Variants in CPNE4 observed in about 807,000 individuals in gnomAD.
CPNE4 encodes the protein copine-4.
Under a neutral mutation model 67.9 loss-of-function variants are expected in CPNE4, and 25 were observed. The observed-to-expected ratio is 0.37, with a 90% CI of 0.27 to 0.51. The LOEUF (loss-of-function observed/expected upper bound fraction) is 0.51. Ranked by LOEUF, CPNE4 falls within the 20% of genes least tolerant of loss-of-function variation. The pLI is 0.93. For missense variants in CPNE4, 464 were observed against 690.8 expected, an observed-to-expected ratio of 0.67 and a Z score of 3.68; for synonymous variants, 242 against 244.9, an observed-to-expected ratio of 0.99 and a Z score of 0.11.
chr3:131,559,565 TA>T, intron 11 of CPNE4, among the ~76,000 whole-genome samples: 1 of 152,132 alleles, frequency 6.6e-6, no homozygotes, highest in South Asian at 2.1e-4. Flanking sequence ...GCTCAGATTT[TA>T]AAAAATACTT....
In CPNE4 at chr3:131,717,899, TTTC is replaced by T. The variant is rs1207973130; in HGVS notation, c.360+5544_360+5546del. Among the ~76,000 whole-genome samples, 168 of 103,406 alleles carry T rather than the reference TTTC, an allele frequency of 1.6e-3. 9 individuals carry two copies. Among genetic ancestry groups the T allele is most frequent in the South Asian group, 0.014 (46 of 3,302 alleles). The allele number at this position is 103,406 out of a possible 152,430, so 67.8% of individuals were successfully genotyped here. On this transcript the variant is annotated intron_variant, in intron 3 of 15. Transcript: ENST00000429747. The stretch of plus-strand genomic sequence containing the variant: ...TTTTCTTTCTTTCTTTCTTTCTTTC[TTTC>T]TTTCTTTCTTTCTTTCTTTCTTTCT...
intron 7 of CPNE4, among the ~76,000 whole-genome samples, chr3:131,610,399 G>C (rs1939763909): frequency 6.6e-6 from 1 of 152,194 alleles, no homozygotes; most frequent in Non-Finnish European, 1.5e-5. Context: ...AGGCACACCA[G>C]AGTTCCTGAT....
intron 2 of CPNE4, among the ~76,000 whole-genome samples, chr3:131,876,445 A>C (rs2087456950): frequency 6.6e-6 from 1 of 151,714 alleles, no homozygotes; most frequent in South Asian, 2.1e-4. Flanking sequence ...GATCGAGACC[A>C]TCCTGGCTAA....
intron 1 of CPNE4, among the ~76,000 whole-genome samples, chr3:131,996,740 T>C (rs1161170744): frequency 6.6e-6 from 1 of 152,016 alleles, no homozygotes; most frequent in East Asian, 1.9e-4. Context: ...TTCATTGTCA[T>C]AGTTCTGTAC....
At chr3:131,685,643 G>C (rs961611349) in intron 6 of CPNE4, among the ~76,000 whole-genome samples, 3 of 152,064 alleles carry the variant, frequency 2.0e-5, no homozygotes, top group African/African-American at 7.2e-5. Flanking sequence ...TTAGCTCGGC[G>C]TGGTGGTGGG....
chr3:131,773,168 G>A (rs1487354686), intron 2 of CPNE4, among the ~76,000 whole-genome samples: 1 of 151,988 alleles, frequency 6.6e-6, no homozygotes, highest in Non-Finnish European at 1.5e-5. Context: ...GTATAATAAA[G>A]AAAAACTAGC....
chr3:131,599,258 A>C (rs1490917134), intron 7 of CPNE4, among the ~76,000 whole-genome samples: 2 of 152,192 alleles, frequency 1.3e-5, no homozygotes, highest in African/African-American at 4.8e-5. Flanking sequence ...TATATATCTC[A>C]GCTTGTTTGG....
chr3:132,021,840 T>G (rs2074003588), intron 1 of CPNE4, among the ~76,000 whole-genome samples: 2 of 152,272 alleles, frequency 1.3e-5, no homozygotes, highest in South Asian at 2.1e-4. Flanking sequence ...TGTAACCACC[T>G]ATTGGAAGTA....
chr3:131,751,422 C>T (rs1428397580), intron 2 of CPNE4, among the ~76,000 whole-genome samples: 2 of 151,946 alleles, frequency 1.3e-5, no homozygotes, highest in Non-Finnish European at 2.9e-5. Flanking sequence ...CTCTTCCATT[C>T]TATTGTTGAA....
chr3:131,901,298 G>A (rs185470312), intron 2 of CPNE4, among the ~76,000 whole-genome samples: 4 of 152,144 alleles, frequency 2.6e-5, no homozygotes, highest in Admixed American at 2.0e-4. Flanking sequence ...TCCACTCCTC[G>A]ATGGAAGATG....
chr3:131,586,708 A>G (rs1938199288), intron 8 of CPNE4, among the ~76,000 whole-genome samples: 2 of 150,820 alleles, frequency 1.3e-5, no homozygotes, highest in South Asian at 4.2e-4. Flanking sequence ...ATTTGGGCCC[A>G]GATGACTTTC....
intron 9 of CPNE4, among the ~76,000 whole-genome samples, chr3:131,576,467 C>A (rs1310047651): frequency 6.6e-6 from 1 of 152,106 alleles, no homozygotes; most frequent in Admixed American, 6.6e-5. Flanking sequence ...GAATCTAGAT[C>A]TTTTCTCCTG....
chr3:131,936,306 C>T (rs1457859652), intron 1 of CPNE4, among the ~76,000 whole-genome samples: 1 of 151,848 alleles, frequency 6.6e-6, no homozygotes. Flanking sequence ...GATGGATTTC[C>T]TCGTTTGTAA....
chr3:131,982,276 T>A (rs908259793), intron 1 of CPNE4, among the ~76,000 whole-genome samples: 1 of 152,312 alleles, frequency 6.6e-6, no homozygotes, highest in Admixed American at 6.5e-5. Context: ...GGTTAAAAAA[T>A]TTATGTATAT....
intron 4 of CPNE4, among the ~76,000 whole-genome samples, chr3:131,698,608 TAAAA>T (rs556686311): frequency 7.3e-6 from 1 of 137,820 alleles, no homozygotes; most frequent in Non-Finnish European, 1.6e-5. Context: ...TTCCTGTGCT[TAAAA>T]AAAAAAAAAA....
chr3:131,890,715 A>G (rs2088080761), intron 2 of CPNE4, among the ~76,000 whole-genome samples: 1 of 152,214 alleles, frequency 6.6e-6, no homozygotes, highest in Admixed American at 6.5e-5. Flanking sequence ...CAACAGATGA[A>G]TAAGCAAAGA....
intron 2 of CPNE4, among the ~76,000 whole-genome samples, chr3:131,842,284 G>A (rs1307168968): frequency 6.6e-6 from 1 of 152,230 alleles, no homozygotes; most frequent in Non-Finnish European, 1.5e-5. Flanking sequence ...AGGGCATAGA[G>A]AGGAAGTTGG....
chr3:131,843,810 ATCGGTGGG>A (rs2085888729), intron 2 of CPNE4, among the ~76,000 whole-genome samples: 1 of 152,164 alleles, frequency 6.6e-6, no homozygotes, highest in African/African-American at 2.4e-5. Flanking sequence ...TGTCCCCTTT[ATCGGTGGG>A]TCAAAATGTG....
At chr3:132,008,581 G>A (rs1320325620) in intron 1 of CPNE4, among the ~76,000 whole-genome samples, 2 of 152,082 alleles carry the variant, frequency 1.3e-5, no homozygotes, top group African/African-American at 4.8e-5. Context: ...ATGAAGAAAA[G>A]AGTATATGTG....
Sources: gnomAD v4.1 joint callset for allele counts (sites outside exome capture counted in the v4.1 genomes callset) on GRCh38, gnomAD v4.1.1 for gene constraint, MANE v1.5 for transcripts, NCBI Gene and HGNC (gene_info 2026-07-23, HGNC 2026-07-21) for gene names.